Variants in NAALADL2 observed in about 807,000 individuals in gnomAD.
NAALADL2 encodes N-acetylated alpha-linked acidic dipeptidase like 2.
In NAALADL2, 76 loss-of-function variants were observed where a neutral mutation model predicts 87.2. The observed-to-expected ratio is 0.87, with a 90% confidence interval of 0.72 to 1.05. NAALADL2 has a LOEUF of 1.05. Ranked by LOEUF, NAALADL2 falls within the 50% of genes least tolerant of loss-of-function variation. The pLI is 0.00. For missense variants in NAALADL2, 1,089 were observed against 945.8 expected (o/e 1.15, Z -1.99); for synonymous variants, 354 against 331.0 (o/e 1.07, Z -0.75).
chr3:174,930,787 A>G (rs1353274704), intron 1 of NAALADL2, among the ~76,000 whole-genome samples: 1 of 151,332 alleles, frequency 6.6e-6, no homozygotes, highest in Non-Finnish European at 1.5e-5. Flanking sequence ...ATTCCTGGCT[A>G]ATTTTTTTGT....
intron 2 of NAALADL2, among the ~76,000 whole-genome samples, chr3:174,604,259 A>G (rs1321936817): frequency 6.6e-6 from 1 of 152,180 alleles, no homozygotes; most frequent in African/African-American, 2.4e-5. Context: ...TGTTGAGTGC[A>G]TATATGTTTA....
intron 2 of NAALADL2, among the ~76,000 whole-genome samples, chr3:175,211,122 T>C (rs2109264828): frequency 1.3e-5 from 2 of 151,992 alleles, no homozygotes; most frequent in Middle Eastern, 3.4e-3. Flanking sequence ...AATGGAGCAG[T>C]TTATTTCAGT....
intron 3 of NAALADL2, among the ~76,000 whole-genome samples, chr3:174,747,621 CAAAAAAAAAAAA>C (rs150843588): frequency 7.8e-5 from 3 of 38,660 alleles, no homozygotes; most frequent in African/African-American, 1.2e-4. Context: ...GACCCCATCT[CAAAAAAAAAAAA>C]AAAAAAAAAA....
intron 3 of NAALADL2, among the ~76,000 whole-genome samples, chr3:174,840,047 C>T (rs778941515): frequency 6.6e-6 from 1 of 151,890 alleles, no homozygotes; most frequent in Non-Finnish European, 1.5e-5. Context: ...AAGATACTTG[C>T]ACATGCATTT....
At chr3:175,318,386 C>A (rs1254866876) in intron 4 of NAALADL2, among the ~76,000 whole-genome samples, 3 of 151,766 alleles carry the variant, frequency 2.0e-5, no homozygotes, top group Admixed American at 1.3e-4. Context: ...TTTTCCTTTG[C>A]CTACACCTTT....
At chr3:174,490,095 G>A (rs1248395877) in intron 1 of NAALADL2, among the ~76,000 whole-genome samples, 1 of 152,010 alleles carries the variant, frequency 6.6e-6, no homozygotes, top group Admixed American at 6.6e-5. Flanking sequence ...ACAAAGTCTT[G>A]TACATGAACA....
chr3:175,622,706 C>T (rs377680403), intron 10 of NAALADL2, among the ~76,000 whole-genome samples: 20 of 152,262 alleles, frequency 1.3e-4, no homozygotes, highest in African/African-American at 4.1e-4. Flanking sequence ...ATAGTTGGGA[C>T]TATACCTGTA....
intron 1 of NAALADL2, among the ~76,000 whole-genome samples, chr3:174,996,104 A>G (rs762224013): frequency 1.7e-4 from 26 of 152,228 alleles, no homozygotes; most frequent in Non-Finnish European, 2.8e-4. Flanking sequence ...GATTAAAGAA[A>G]GATTTGCCAA....
chr3:175,240,442 T>A (rs1376358639), intron 3 of NAALADL2, among the ~76,000 whole-genome samples: 1 of 152,206 alleles, frequency 6.6e-6, no homozygotes, highest in Non-Finnish European at 1.5e-5. Flanking sequence ...TCTTTTATTT[T>A]GAATATTTTC....
intron 11 of NAALADL2, among the ~76,000 whole-genome samples, chr3:175,721,769 A>G (rs1742268138): frequency 6.6e-6 from 1 of 152,066 alleles, no homozygotes; most frequent in South Asian, 2.1e-4. Flanking sequence ...AAGAGCTGGG[A>G]TGGGAGGTGG....
At chr3:175,133,708 CG>C in intron 2 of NAALADL2, among the ~76,000 whole-genome samples, 1 of 152,072 alleles carries the variant, frequency 6.6e-6, no homozygotes, top group Non-Finnish European at 1.5e-5. Context: ...AGAGGGAGAC[CG>C]TGGAAAGAGA....
chr3:175,417,235 C>T (rs200580567), intron 5 of NAALADL2, among the ~76,000 whole-genome samples: 1 of 151,156 alleles, frequency 6.6e-6, no homozygotes, highest in East Asian at 1.9e-4. Flanking sequence ...AACTATAATG[C>T]ATCTACTCTA....
At chr3:175,032,081 A>G (rs1752862541) in intron 1 of NAALADL2, among the ~76,000 whole-genome samples, 1 of 151,688 alleles carries the variant, frequency 6.6e-6, no homozygotes, top group Non-Finnish European at 1.5e-5. Flanking sequence ...TATTTTTTTG[A>G]TAGTTTCTTT....
intron 2 of NAALADL2, among the ~76,000 whole-genome samples, chr3:174,681,055 CTT>C (rs1333851830): frequency 6.6e-6 from 1 of 152,088 alleles, no homozygotes; most frequent in Non-Finnish European, 1.5e-5. Context: ...AATTGCAAGA[CTT>C]TGCATTGGGA....
At chr3:175,537,601 A>G (rs1190585339) in intron 9 of NAALADL2, among the ~76,000 whole-genome samples, 1 of 152,212 alleles carries the variant, frequency 6.6e-6, no homozygotes. Context: ...AACTAATTTA[A>G]GATACAGATT....
chr3:175,087,572 C>A (rs1026718447), intron 1 of NAALADL2, among the ~76,000 whole-genome samples: 2 of 152,154 alleles, frequency 1.3e-5, no homozygotes, highest in Non-Finnish European at 1.5e-5. Flanking sequence ...AAGAAAAATT[C>A]TTCTGCCTTG....
intron 2 of NAALADL2, among the ~76,000 whole-genome samples, chr3:175,219,865 TTTC>T (rs199999240): frequency 0.016 from 2,266 of 140,102 alleles, 55 homozygotes; most frequent in African/African-American, 0.066. Flanking sequence ...TGTGGTTTTC[TTTC>T]TTTTTTTTTT....
At chr3:175,234,583 G>T (rs1342591832) in intron 3 of NAALADL2, among the ~76,000 whole-genome samples, 1 of 152,184 alleles carries the variant, frequency 6.6e-6, no homozygotes, top group Non-Finnish European at 1.5e-5. Flanking sequence ...ACACACAAAA[G>T]AAATTAAGTG....
chr3:175,623,836 CAT>C (rs1221957604), intron 10 of NAALADL2, among the ~76,000 whole-genome samples: 1 of 151,706 alleles, frequency 6.6e-6, no homozygotes, highest in African/African-American at 2.4e-5. Context: ...CTTTCTAGCT[CAT>C]AAGCTGATGG....
Sources: allele counts gnomAD v4.1 joint callset (sites outside exome capture counted in the v4.1 genomes callset), GRCh38; gene constraint gnomAD v4.1.1; transcripts MANE v1.5; gene names NCBI Gene and HGNC (gene_info 2026-07-23, HGNC 2026-07-21).